The following ZDHHC14 variants were observed in gnomAD, a reference collection of about 807,000 sequenced individuals.
ZDHHC14 encodes palmitoyltransferase ZDHHC14.
ZDHHC14 carries 16 observed loss-of-function variants against 47.7 expected under a neutral mutation model. That is an observed-to-expected ratio of 0.34 (90% confidence interval 0.23 to 0.51). ZDHHC14 has a LOEUF of 0.51. Among genes scored for constraint, ZDHHC14 ranks in the 20% least tolerant of loss-of-function variants. The pLI, the probability that ZDHHC14 is intolerant of heterozygous loss-of-function variation, is 0.97. For synonymous variants in ZDHHC14, 293 were observed against 278.9 expected (o/e 1.05, Z -0.50); for missense variants, 515 against 662.5 (o/e 0.78, Z 2.44).
At chr6:157,518,230 G>C (rs1780772143) in intron 1 of ZDHHC14, among the ~76,000 whole-genome samples, 1 of 152,064 alleles carries the variant, frequency 6.6e-6, no homozygotes, top group East Asian at 1.9e-4. Context: ...GAAGGAAGTG[G>C]CTCCTGCTAG....
At position 157,499,679 on chromosome 6, in the gene ZDHHC14, G is replaced by A. The variant is rs148299589; in HGVS notation, c.246-42906G>A. ...GCTCCTGGGATGACAGCAACATGAC[G>A]ATGGTGTTCCATGTCACAGGATGAG... On this transcript the variant is annotated intron_variant, in intron 1 of 8. Coordinates refer to ENST00000359775, the MANE Select transcript of ZDHHC14 (RefSeq NM_024630.3). Among the ~76,000 whole-genome samples, 14 of 152,304 alleles carry A rather than the reference G, an allele frequency of 9.2e-5. 1 individual carries two copies. In the East Asian group the frequency reaches 9.6e-4, roughly 10 times the overall value.
At chr6:157,569,048 T>A (rs1463873730) in intron 2 of ZDHHC14, among the ~76,000 whole-genome samples, 1 of 152,100 alleles carries the variant, frequency 6.6e-6, no homozygotes, top group East Asian at 1.9e-4. Context: ...TTTATGAAGT[T>A]TTTTTGACAT....
At chr6:157,471,991 C>T (rs1779365533) in intron 1 of ZDHHC14, among the ~76,000 whole-genome samples, 1 of 152,178 alleles carries the variant, frequency 6.6e-6, no homozygotes, top group African/African-American at 2.4e-5. Flanking sequence ...ATAGTGCGCA[C>T]CCACATAAAG....
At chr6:157,563,231 C>T (rs1048601132) in intron 2 of ZDHHC14, among the ~76,000 whole-genome samples, 1 of 152,238 alleles carries the variant, frequency 6.6e-6, no homozygotes, top group Non-Finnish European at 1.5e-5. Flanking sequence ...CAGGCCTGCC[C>T]TCCCAGGAAA....
At chr6:157,650,063 C>T (rs1462947176) in intron 7 of ZDHHC14, among the ~76,000 whole-genome samples, 3 of 149,536 alleles carry the variant, frequency 2.0e-5, no homozygotes, top group South Asian at 2.1e-4. Flanking sequence ...CTGTGCCAGG[C>T]GCTGTGGGTG....
At chr6:157,383,304 G>A (rs1422557848) in intron 1 of ZDHHC14, among the ~76,000 whole-genome samples, 1 of 152,150 alleles carries the variant, frequency 6.6e-6, no homozygotes, top group African/African-American at 2.4e-5. Flanking sequence ...TTTAAAGAAA[G>A]CAATATATTT....
chr6:157,446,571 G>A (rs1157623402), intron 1 of ZDHHC14, among the ~76,000 whole-genome samples: 3 of 151,910 alleles, frequency 2.0e-5, no homozygotes, highest in African/African-American at 7.3e-5. Context: ...CACCATGCCT[G>A]GCTAATTTTT....
At chr6:157,635,970 T>G (rs1288696274) in intron 5 of ZDHHC14, among the ~76,000 whole-genome samples, 1 of 152,118 alleles carries the variant, frequency 6.6e-6, no homozygotes, top group East Asian at 1.9e-4. Context: ...CTCATCTGGG[T>G]GCTGACTCTT....
At chr6:157,420,079 C>T (rs1583629417) in intron 1 of ZDHHC14, among the ~76,000 whole-genome samples, 1 of 152,330 alleles carries the variant, frequency 6.6e-6, no homozygotes, top group East Asian at 1.9e-4. Context: ...TTGCCATCTC[C>T]CCAGGTTATT....
chr6:157,453,173 G>T (rs1778841698), intron 1 of ZDHHC14, among the ~76,000 whole-genome samples: 1 of 152,068 alleles, frequency 6.6e-6, no homozygotes, highest in Non-Finnish European at 1.5e-5. Flanking sequence ...GGTGTCTCCA[G>T]GTTCTTAGGG....
intron 1 of ZDHHC14, among the ~76,000 whole-genome samples, chr6:157,509,125 TCTCCTC>T (rs758350399): frequency 2.6e-5 from 4 of 152,012 alleles, no homozygotes; most frequent in Non-Finnish European, 4.4e-5. Context: ...TCTCTGCCTC[TCTCCTC>T]CTGCCTCATC....
chr6:157,573,592 G>A (rs1237286465), intron 2 of ZDHHC14, among the ~76,000 whole-genome samples: 2 of 152,192 alleles, frequency 1.3e-5, no homozygotes, highest in Admixed American at 1.3e-4. Flanking sequence ...CGCCCTTCAT[G>A]AAGGATCCCT....
intron 1 of ZDHHC14, among the ~76,000 whole-genome samples, chr6:157,488,863 C>A (rs745382314): frequency 4.6e-5 from 7 of 152,182 alleles, no homozygotes; most frequent in Non-Finnish European, 8.8e-5. Flanking sequence ...TTCTGAGCCG[C>A]GGTGTGGAGG....
chr6:157,482,661 G>A (rs1779662159), intron 1 of ZDHHC14, among the ~76,000 whole-genome samples: 1 of 152,088 alleles, frequency 6.6e-6, no homozygotes, highest in South Asian at 2.1e-4. Context: ...TAATTGGTCT[G>A]AATTGTTGCT....
chr6:157,440,698 G>A (rs1438343393), intron 1 of ZDHHC14, among the ~76,000 whole-genome samples: 1 of 152,210 alleles, frequency 6.6e-6, no homozygotes, highest in Non-Finnish European at 1.5e-5. Flanking sequence ...ATTGTGGGAT[G>A]TTCATAAAAT....
At chr6:157,635,010 CT>C (rs988426905) in intron 5 of ZDHHC14, among the ~76,000 whole-genome samples, 2 of 151,494 alleles carry the variant, frequency 1.3e-5, no homozygotes, top group Non-Finnish European at 2.9e-5. Context: ...TTTTTTCCCC[CT>C]GAAACGGAGT....
chr6:157,416,571 A>G (rs976252312), intron 1 of ZDHHC14, among the ~76,000 whole-genome samples: 1 of 145,108 alleles, frequency 6.9e-6, no homozygotes, highest in Non-Finnish European at 1.5e-5. Flanking sequence ...CCGGAGGCTG[A>G]GGTGGGAGCT....
At chr6:157,627,718 C>T (rs1785494586) in intron 3 of ZDHHC14, among the ~76,000 whole-genome samples, 1 of 152,224 alleles carries the variant, frequency 6.6e-6, no homozygotes, top group East Asian at 1.9e-4. Context: ...CTGAATGGCC[C>T]CGTGCAGGCA....
Position 157,632,891 on chromosome 6 carries a change from T to C in ZDHHC14, c.752+9T>C. 1 of 1,614,102 alleles carries C rather than the reference T, an allele frequency of 6.2e-7. No individual in the cohort carries two copies. Among genetic ancestry groups the C allele is most frequent in the Non-Finnish European group, 8.5e-7 (1 of 1,179,958 alleles). On this transcript the variant is annotated intron_variant, in intron 5 of 8. Transcript: ENST00000359775. ...AAGGACAGTCCTGCAAGATATCCTT[T>C]GTGATGATTCTGTTTTCACGATGCT...
Sources: allele counts gnomAD v4.1 joint callset (sites outside exome capture counted in the v4.1 genomes callset), GRCh38; gene constraint gnomAD v4.1.1; transcripts MANE v1.5; gene names NCBI Gene and HGNC (gene_info 2026-07-23, HGNC 2026-07-21).